Variants in PPP2R5A observed in about 807,000 individuals in gnomAD.
The protein encoded by PPP2R5A is serine/threonine-protein phosphatase 2A 56 kDa regulatory subunit alpha isoform.
In PPP2R5A, 25 loss-of-function variants were observed where a neutral mutation model predicts 64.2. The observed-to-expected ratio is 0.39, with a 90% CI of 0.28 to 0.54. PPP2R5A has a LOEUF of 0.54. PPP2R5A is among the 20% of genes least tolerant of loss of function. The pLI, the probability that PPP2R5A is intolerant of heterozygous loss-of-function variation, is 0.67. For missense variants in PPP2R5A, 425 were observed against 576.3 expected, an observed-to-expected ratio of 0.74 and a Z score of 2.69; for synonymous variants, 198 against 201.2, an observed-to-expected ratio of 0.98 and a Z score of 0.13.
chr1:212,288,203 A>T (rs1045149604), intron 1 of PPP2R5A, among the ~76,000 whole-genome samples: 1 of 151,978 alleles, frequency 6.6e-6, no homozygotes, highest in African/African-American at 2.4e-5. Context: ...CTTAGTAGAG[A>T]TGGGGTTTCA....
chr1:212,301,917 T>C (rs1658804934), intron 1 of PPP2R5A: 1 of 1,323,406 alleles, frequency 7.6e-7, no homozygotes, highest in Non-Finnish European at 9.8e-7. Context: ...TAAGGAAAAT[T>C]ATAGTTATAA....
intron 1 of PPP2R5A, among the ~76,000 whole-genome samples, chr1:212,302,847 T>C (rs1658823601): frequency 6.6e-6 from 1 of 152,236 alleles, no homozygotes; most frequent in Admixed American, 6.5e-5. Context: ...TAATATGTCG[T>C]CTTTTGTAAT....
At chr1:212,348,591 A>T (rs1659823937) in intron 7 of PPP2R5A, 94 bp downstream of exon 7, 1 of 917,582 alleles carries the variant, frequency 1.1e-6, no homozygotes, top group Admixed American at 3.1e-5. Flanking sequence ...GACAGTTTTA[A>T]GTATAATTAA....
intron 1 of PPP2R5A, among the ~76,000 whole-genome samples, chr1:212,328,186 A>G (rs549706496): frequency 6.6e-6 from 1 of 152,378 alleles, no homozygotes; most frequent in East Asian, 1.9e-4. Context: ...AGTAAATACT[A>G]TAACAGAGAT....
intron 1 of PPP2R5A, among the ~76,000 whole-genome samples, chr1:212,323,698 A>G (rs1558147575): frequency 6.6e-6 from 1 of 152,194 alleles, no homozygotes; most frequent in Non-Finnish European, 1.5e-5. Flanking sequence ...GGATTACTGA[A>G]TGGATAAGCT....
chr1:212,360,630 A>T lies in PPP2R5A; in HGVS notation c.1329-8A>T. The T allele has an allele frequency of 6.4e-7, 1 of 1,557,688 alleles. No individual in the cohort carries two copies. The highest frequency in any genetic ancestry group is 8.7e-7 in the Non-Finnish European group (1 of 1,155,586). On this transcript the variant is annotated splice_region_variant and splice_polypyrimidine_tract_variant and intron_variant, in intron 12 of 12. Transcript: ENST00000261461. ...TTTCTGATTACAAAAATTTTGGTTT[A>T]TCTACAGAGAGAAAAAGAAGGAATT...
intron 1 of PPP2R5A, among the ~76,000 whole-genome samples, chr1:212,321,330 A>T (rs1436905173): frequency 8.4e-6 from 1 of 118,368 alleles, no homozygotes; most frequent in Non-Finnish European, 1.7e-5. Flanking sequence ...TGACCCCCCC[A>T]CCTCCCTTCC....
In PPP2R5A at chr1:212,286,112, TGTC is replaced by T. The variant is rs572979647; in HGVS notation, c.13_15del (p.Ser5?). The T allele has an allele frequency of 3.7e-5, 58 of 1,567,014 alleles. No homozygotes were observed. Among genetic ancestry groups the T allele is most frequent in the Middle Eastern group, 1.8e-4 (1 of 5,478 alleles). ...CTGCCAAGCGTCAGGGCCGCGGAGATGTCGTCGTCGTCGCCGCCGGCGGGGGCT... is the reference window on the plus strand; with the variant it reads ...CTGCCAAGCGTCAGGGCCGCGGAGATGTCGTCGTCGCCGCCGGCGGGGGCT... On this transcript the variant is annotated start_lost and inframe_deletion, in exon 1 of 13. Coordinates refer to ENST00000261461, the MANE Select transcript of PPP2R5A (RefSeq NM_006243.4).
chr1:212,335,273 A>G (rs1659572614), intron 3 of PPP2R5A, among the ~76,000 whole-genome samples: 1 of 152,128 alleles, frequency 6.6e-6, no homozygotes, highest in Non-Finnish European at 1.5e-5. Context: ...TGAGGTCAGG[A>G]GTTCCAGACC....
intron 1 of PPP2R5A, among the ~76,000 whole-genome samples, chr1:212,292,173 A>C (rs1254029650): frequency 6.6e-6 from 1 of 152,234 alleles, no homozygotes; most frequent in Non-Finnish European, 1.5e-5. Flanking sequence ...TCTTGACCAC[A>C]ACTTTTTATC....
intron 1 of PPP2R5A, among the ~76,000 whole-genome samples, chr1:212,296,208 C>T (rs1010091558): frequency 2.6e-5 from 4 of 151,748 alleles, no homozygotes; most frequent in African/African-American, 4.8e-5. Flanking sequence ...GTCCCACCAC[C>T]GAGAAAGGAG....
intron 1 of PPP2R5A, among the ~76,000 whole-genome samples, chr1:212,288,616 T>G (rs1299719269): frequency 6.6e-6 from 1 of 152,040 alleles, no homozygotes; most frequent in Non-Finnish European, 1.5e-5. Flanking sequence ...TGCTTGCAAG[T>G]GATTTAAAAA....
At chr1:212,309,193 A>G in intron 1 of PPP2R5A, 2 of 1,368,634 alleles carry the variant, frequency 1.5e-6, no homozygotes, top group Non-Finnish European at 2.1e-6. Context: ...AGCCTGTTTA[A>G]TCTGGTGCTT....
chr1:212,356,892 T>G (rs1450007994), intron 9 of PPP2R5A, 58 bp from the exon 10 acceptor site: 1 of 1,400,446 alleles, frequency 7.1e-7, no homozygotes, highest in South Asian at 1.4e-5. Flanking sequence ...TTGTATGGTT[T>G]CTATATTAGT....
rs750606106 is a variant in PPP2R5A, at chr1:212,329,158, G to T, written c.205G>T (p.Glu69Ter). The part of the protein sequence containing the change: ...LKDATSNEQQ[E>*]LFCQKLQQCC... ...AGATGCCACTTCAAATGAACAACAAGAGCTTTTCTGTCAGAAGTTGCAGCA... is the reference window on the plus strand; with the variant it reads ...AGATGCCACTTCAAATGAACAACAATAGCTTTTCTGTCAGAAGTTGCAGCA... The change falls in exon 2 of 13, where the codon GAG (glutamate) becomes TAG (stop). Residue 69 changes from glutamate (E) to a stop codon, truncating the protein, a stop_gained. Transcript: ENST00000261461. LOFTEE classifies it high-confidence loss of function. The T allele has an allele frequency of 6.5e-7, 1 of 1,532,302 alleles. No homozygotes were observed. The highest frequency in any genetic ancestry group is 1.3e-5 in the South Asian group (1 of 75,790). 94.9% of individuals were successfully genotyped at this position (1,532,302 alleles called of 1,614,324 possible). A position where few individuals can be genotyped will look rare whatever the true frequency, so the allele number is the denominator to read the frequency against.
chr1:212,305,624 A>G (rs1465510153), intron 1 of PPP2R5A, among the ~76,000 whole-genome samples: 2 of 152,030 alleles, frequency 1.3e-5, no homozygotes, highest in Non-Finnish European at 2.9e-5. Context: ...TGTTCTATCC[A>G]TTATTGAAAG....
intron 8 of PPP2R5A, among the ~76,000 whole-genome samples, chr1:212,354,725 T>TGAGAGAGA (rs67572683): frequency 1.2e-4 from 18 of 147,106 alleles, no homozygotes; most frequent in African/African-American, 4.3e-4. Flanking sequence ...AGAGAAATGT[T>TGAGAGAGA]GAGAGAGAGA....
intron 1 of PPP2R5A, among the ~76,000 whole-genome samples, chr1:212,294,891 G>A (rs892495439): frequency 6.6e-6 from 1 of 152,188 alleles, no homozygotes; most frequent in Admixed American, 6.5e-5. Flanking sequence ...GCCAGAAGGT[G>A]TTAGGCCAAG....
At chr1:212,306,175 G>A (rs1264306555) in intron 1 of PPP2R5A, among the ~76,000 whole-genome samples, 1 of 152,042 alleles carries the variant, frequency 6.6e-6, no homozygotes, top group African/African-American at 2.4e-5. Flanking sequence ...TTTTAGATAG[G>A]GTGGGCACGT....
Sources: allele counts gnomAD v4.1 joint callset (sites outside exome capture counted in the v4.1 genomes callset), GRCh38; gene constraint gnomAD v4.1.1; transcripts MANE v1.5; gene names NCBI Gene and HGNC (gene_info 2026-07-23, HGNC 2026-07-21).